KCNK2: variants seen among roughly 807,000 people sequenced by gnomAD.
KCNK2 encodes potassium channel subfamily K member 2.
In KCNK2, 21 loss-of-function variants were observed where a neutral mutation model predicts 40.5. The observed-to-expected ratio is 0.52, with a 90% CI of 0.37 to 0.75. The LOEUF (loss-of-function observed/expected upper bound fraction) is 0.75. Ranked by LOEUF, KCNK2 falls within the 30% of genes least tolerant of loss-of-function variation. The pLI is 0.00. For synonymous variants in KCNK2, 191 were observed against 202.2 expected (o/e 0.94, Z 0.47); for missense variants, 399 against 531.6 (o/e 0.75, Z 2.45).
intron 5 of KCNK2, among the ~76,000 whole-genome samples, chr1:215,192,606 G>A (rs1664711419): frequency 6.6e-6 from 1 of 151,990 alleles, no homozygotes; most frequent in Non-Finnish European, 1.5e-5. Flanking sequence ...ATGTCATTTT[G>A]GTTTCATTGA....
chr1:215,147,603 G>A (rs1214644796), intron 3 of KCNK2, among the ~76,000 whole-genome samples: 6 of 151,978 alleles, frequency 3.9e-5, no homozygotes, highest in African/African-American at 7.2e-5. Flanking sequence ...AAGCTGAGGC[G>A]GGCGGATCAC....
chr1:215,030,661 A>C (rs893231725), intron 1 of KCNK2, among the ~76,000 whole-genome samples: 1 of 151,242 alleles, frequency 6.6e-6, no homozygotes, highest in African/African-American at 2.4e-5. Context: ...CAGCCTCCCG[A>C]GTAGCTGGGA....
intron 6 of KCNK2, among the ~76,000 whole-genome samples, chr1:215,195,352 CTTCA>C (rs1372211313): frequency 9.9e-6 from 1 of 101,030 alleles, no homozygotes; most frequent in Non-Finnish European, 2.1e-5. Flanking sequence ...GAAACATTTT[CTTCA>C]TTATTTCTTT....
At chr1:215,085,543 T>G (rs1051859856) in intron 1 of KCNK2, among the ~76,000 whole-genome samples, 2 of 152,228 alleles carry the variant, frequency 1.3e-5, no homozygotes, top group Admixed American at 1.3e-4. Context: ...CAATTAGCTT[T>G]GAACAGAGCA....
chr1:215,027,520 AC>A (rs2102482906), intron 1 of KCNK2, among the ~76,000 whole-genome samples: 1 of 152,350 alleles, frequency 6.6e-6, no homozygotes, highest in Non-Finnish European at 1.5e-5. Flanking sequence ...TTGCTGAAAT[AC>A]TAAATTATGT....
At chr1:215,169,459 T>G in intron 4 of KCNK2, 100 bp downstream of exon 4, 1 of 900,828 alleles carries the variant, frequency 1.1e-6, no homozygotes. Context: ...CATTCAATTA[T>G]TAGGGCTTCC....
At chr1:215,043,433 G>C (rs1295625990) in intron 1 of KCNK2, among the ~76,000 whole-genome samples, 1 of 152,212 alleles carries the variant, frequency 6.6e-6, no homozygotes, top group African/African-American at 2.4e-5. Context: ...ACAAAATGTG[G>C]TATATGCATA....
intron 2 of KCNK2, among the ~76,000 whole-genome samples, chr1:215,120,905 T>G (rs990444545): frequency 1.3e-5 from 2 of 152,246 alleles, no homozygotes; most frequent in Non-Finnish European, 2.9e-5. Flanking sequence ...TTTTAAAGTT[T>G]TATGTCTTTT....
chr1:215,142,967 C>A (rs1662247718), intron 3 of KCNK2, among the ~76,000 whole-genome samples: 1 of 152,030 alleles, frequency 6.6e-6, no homozygotes, highest in African/African-American at 2.4e-5. Flanking sequence ...GGAAAACACA[C>A]TAAGAGTCCA....
intron 5 of KCNK2, among the ~76,000 whole-genome samples, chr1:215,194,694 T>C (rs1213630336): frequency 1.3e-5 from 2 of 152,064 alleles, no homozygotes; most frequent in Non-Finnish European, 2.9e-5. Context: ...AAATGAAACA[T>C]GGAGCAAGGA....
chr1:215,091,277 T>C (rs1659683280), intron 2 of KCNK2, among the ~76,000 whole-genome samples: 1 of 151,900 alleles, frequency 6.6e-6, no homozygotes, highest in Admixed American at 6.6e-5. Flanking sequence ...AATATCTGGG[T>C]GTGAGGGGCA....
intron 1 of KCNK2, 108 bp downstream of exon 1, chr1:215,083,539 A>G: frequency 1.2e-6 from 1 of 839,866 alleles, no homozygotes; most frequent in Non-Finnish European, 2.0e-6. Flanking sequence ...GCCGTTTCCC[A>G]TCTTCGCTTC....
At chr1:215,052,354 G>A (rs776171284) in intron 1 of KCNK2, among the ~76,000 whole-genome samples, 2 of 152,216 alleles carry the variant, frequency 1.3e-5, no homozygotes, top group South Asian at 2.1e-4. Context: ...ATAGAGCAGA[G>A]GATGGACTGA....
chr1:215,226,842 C>T (rs928708169), intron 6 of KCNK2, among the ~76,000 whole-genome samples: 2 of 152,138 alleles, frequency 1.3e-5, no homozygotes, highest in African/African-American at 4.8e-5. Context: ...GAGATATTAG[C>T]ATCATAGGCT....
intron 2 of KCNK2, among the ~76,000 whole-genome samples, chr1:215,104,971 C>G (rs904957645): frequency 1.3e-5 from 2 of 151,934 alleles, no homozygotes; most frequent in Admixed American, 1.3e-4. Flanking sequence ...TTGTAGAACC[C>G]TTTTTAGAGG....
chr1:215,011,068 G>GC (rs1369155661), intron 1 of KCNK2, among the ~76,000 whole-genome samples: 1 of 150,492 alleles, frequency 6.6e-6, no homozygotes, highest in Non-Finnish European at 1.5e-5. Context: ...TATTTTTTGT[G>GC]CGTATAGTTC....
In KCNK2 at chr1:215,007,093, ATATATG is replaced by A. The variant is rs1468685546; in HGVS notation, c.34+1144_34+1149del. On this transcript the variant is annotated intron_variant, in intron 1 of 6. Coordinates refer to the KCNK2 transcript ENST00000391895. ...TGTGTATATATATATGTGTGTATAT[ATATATG>A]TATATATATGTGTGTATATATGTAT... is the stretch of plus-strand genomic sequence containing the variant. Among the ~76,000 whole-genome samples, 10 of 125,496 alleles carry A rather than the reference ATATATG, an allele frequency of 8.0e-5. No homozygotes were observed. In the South Asian group the frequency reaches 2.3e-3, roughly 29 times the overall value. 82.3% of individuals were successfully genotyped at this position (125,496 alleles called of 152,430 possible). A position where few individuals can be genotyped will look rare whatever the true frequency, so the allele number is the denominator to read the frequency against.
At position 215,234,946 on chromosome 1, in the gene KCNK2, T is replaced by A. The variant is rs1666817505; in HGVS notation, c.1082T>A (p.Ile361Asn). Residue 361 changes from isoleucine to asparagine, a missense_variant, in exon 7 of 7, where the codon ATC becomes AAC. Transcript: ENST00000444842. ...IYDKFQRATS[I>N]KRKLSAELAG... ...GACAAGTTCCAGCGGGCCACCTCCA[T>A]CAAGCGGAAGCTCTCGGCAGAACTG... 2 of 1,614,072 alleles carry A rather than the reference T, an allele frequency of 1.2e-6. No homozygotes were observed. Among genetic ancestry groups the A allele is most frequent in the Non-Finnish European group, 1.7e-6 (2 of 1,180,004 alleles).
chr1:215,124,771 G>T (rs551712422), intron 3 of KCNK2, 21 bp downstream of exon 3: 1 of 1,431,052 alleles, frequency 7.0e-7, no homozygotes, highest in East Asian at 2.3e-5. Context: ...ACTTATTTTT[G>T]TTTTTTGTTT....
Sources: allele counts gnomAD v4.1 joint callset (sites outside exome capture counted in the v4.1 genomes callset), GRCh38; gene constraint gnomAD v4.1.1; transcripts MANE v1.5; gene names NCBI Gene and HGNC (gene_info 2026-07-23, HGNC 2026-07-21).